The following CCDC91 variants were observed in gnomAD, a reference collection of about 807,000 sequenced individuals.
The protein encoded by CCDC91 is coiled-coil domain-containing protein 91.
Under a neutral mutation model 63.2 loss-of-function variants are expected in CCDC91, and 48 were observed. The ratio of observed to expected loss-of-function variants is 0.76; its 90% confidence interval spans 0.60 to 0.97. The LOEUF is 0.97. Ranked by LOEUF, CCDC91 falls within the 50% of genes least tolerant of loss-of-function variation. The pLI is 0.00. For synonymous variants in CCDC91, 167 were observed against 165.8 expected (o/e 1.01, Z -0.06); for missense variants, 500 against 494.6 (o/e 1.01, Z -0.10).
chr12:28,515,678 T>C lies in CCDC91; in HGVS notation c.1215+31513T>C, dbSNP rs1939864122. Among the ~76,000 whole-genome samples, 4 of 151,962 alleles carry C rather than the reference T, an allele frequency of 2.6e-5. 1 individual carries two copies. The highest frequency in any genetic ancestry group is 2.1e-4 in the South Asian group (1 of 4,832). ...AATGCTGATTATCAATAATAACCCA[T>C]TAATATGTTTTAACTATCAACAAAA... On this transcript the variant is annotated intron_variant, in intron 12 of 12. Coordinates refer to ENST00000536442, the MANE Select transcript of CCDC91 (RefSeq NM_018318.5).
At chr12:28,364,319 C>T (rs1337890736) in intron 7 of CCDC91, among the ~76,000 whole-genome samples, 3 of 151,932 alleles carry the variant, frequency 2.0e-5, no homozygotes, top group Admixed American at 6.5e-5. Context: ...ATCTGGGAGG[C>T]GGAGGTTGCA....
At chr12:28,478,398 T>C (rs1004243209) in intron 11 of CCDC91, among the ~76,000 whole-genome samples, 1 of 152,204 alleles carries the variant, frequency 6.6e-6, no homozygotes, top group Non-Finnish European at 1.5e-5. Context: ...CTGGGAAAAC[T>C]GGCTAGCCAT....
In CCDC91 at chr12:28,242,920, T is replaced by TA. The variant is rs142229036; in HGVS notation, c.-14-14280dup. On this transcript the variant is annotated intron_variant, in intron 1 of 12. Coordinates refer to ENST00000536442, the MANE Select transcript of CCDC91 (RefSeq NM_018318.5). ...CCCTCTTGCTCCTACTTCTGACATG[T>TA]AAGAGGTGTCTGCTTCCCCTCTGCC... Among the ~76,000 whole-genome samples the TA allele has an allele frequency of 2.7e-3, 406 of 152,220 alleles. 1 individual carries two copies. Among genetic ancestry groups the TA allele is most frequent in the Non-Finnish European group, 4.7e-3 (319 of 68,012 alleles).
At chr12:28,226,901 T>C (rs1412294930) in intron 1 of CCDC91, among the ~76,000 whole-genome samples, 1 of 152,142 alleles carries the variant, frequency 6.6e-6, no homozygotes, top group Non-Finnish European at 1.5e-5. Flanking sequence ...TGGTGGTTTC[T>C]TAAACTTTAC....
At chr12:28,212,980 T>C (rs539717466) in intron 1 of CCDC91, among the ~76,000 whole-genome samples, 40 of 152,312 alleles carry the variant, frequency 2.6e-4, no homozygotes, top group Admixed American at 1.5e-3. Flanking sequence ...AAATAAGTTA[T>C]AGTGAGTTTA....
At chr12:28,474,312 C>T (rs75066693) in intron 11 of CCDC91, among the ~76,000 whole-genome samples, 3,269 of 152,058 alleles carry the variant, frequency 0.021, 61 homozygotes, top group Non-Finnish European at 0.035. Flanking sequence ...ACTCAAATGC[C>T]GCCAAATTAT....
At chr12:28,460,180 A>G (rs1402518147) in intron 11 of CCDC91, among the ~76,000 whole-genome samples, 1 of 152,106 alleles carries the variant, frequency 6.6e-6, no homozygotes, top group Non-Finnish European at 1.5e-5. Flanking sequence ...TTGGGACCAT[A>G]TATGTAGAGC....
chr12:28,424,928 A>G (rs1443382365), intron 8 of CCDC91, among the ~76,000 whole-genome samples: 2 of 152,122 alleles, frequency 1.3e-5, no homozygotes, highest in Admixed American at 6.6e-5. Context: ...TACAGAGCTT[A>G]ACATTATATA....
At chr12:28,373,300 T>C (rs1379950551) in intron 7 of CCDC91, among the ~76,000 whole-genome samples, 1 of 152,204 alleles carries the variant, frequency 6.6e-6, no homozygotes, top group Non-Finnish European at 1.5e-5. Context: ...GTGATGTTTC[T>C]AGGTGTGTGT....
intron 8 of CCDC91, among the ~76,000 whole-genome samples, chr12:28,400,534 C>T (rs1231604780): frequency 2.0e-5 from 3 of 152,262 alleles, no homozygotes; most frequent in South Asian, 4.1e-4. Context: ...TTGAATTTCT[C>T]CTTAGAAAAT....
intron 8 of CCDC91, among the ~76,000 whole-genome samples, chr12:28,400,088 A>G (rs1221186221): frequency 6.6e-6 from 1 of 152,194 alleles, no homozygotes; most frequent in Admixed American, 6.5e-5. Context: ...GAGGTTCTCC[A>G]TCATGGGTCC....
At chr12:28,267,516 G>A (rs1000423913) in intron 3 of CCDC91, among the ~76,000 whole-genome samples, 1 of 149,116 alleles carries the variant, frequency 6.7e-6, no homozygotes, top group Non-Finnish European at 1.5e-5. Context: ...TTGTTTCTGT[G>A]ACTTGAAAGA....
chr12:28,315,631 T>G (rs553470986), intron 6 of CCDC91, among the ~76,000 whole-genome samples: 1 of 152,156 alleles, frequency 6.6e-6, no homozygotes, highest in African/African-American at 2.4e-5. Flanking sequence ...CATTATACTT[T>G]CCAGGAAAGT....
intron 10 of CCDC91, 37 bp downstream of exon 10, chr12:28,450,455 A>C: frequency 7.1e-7 from 1 of 1,409,048 alleles, no homozygotes; most frequent in Non-Finnish European, 1.0e-6. Flanking sequence ...CTTGTAAGTA[A>C]GTGGAATTAA....
intron 1 of CCDC91, among the ~76,000 whole-genome samples, chr12:28,232,379 T>A (rs1449378531): frequency 2.6e-5 from 4 of 152,112 alleles, no homozygotes; most frequent in Admixed American, 2.6e-4. Context: ...AGGGTTTCAG[T>A]TTGAATATTG....
At chr12:28,321,405 T>TA (rs149406927) in intron 6 of CCDC91, among the ~76,000 whole-genome samples, 15 of 151,762 alleles carry the variant, frequency 9.9e-5, no homozygotes, top group African/African-American at 1.7e-4. Context: ...GCCTTGCACA[T>TA]AAAAAAAATG....
chr12:28,326,391 G>T (rs562595225), intron 6 of CCDC91, among the ~76,000 whole-genome samples: 4 of 149,440 alleles, frequency 2.7e-5, no homozygotes, highest in Non-Finnish European at 5.9e-5. Context: ...TGTTAGAATT[G>T]TTTTTTTTTA....
chr12:28,494,220 G>A (rs567658594), intron 12 of CCDC91, among the ~76,000 whole-genome samples: 27 of 151,652 alleles, frequency 1.8e-4, no homozygotes, highest in Non-Finnish European at 2.8e-4. Flanking sequence ...GAATCTATTG[G>A]TCGTTAATTA....
intron 12 of CCDC91, among the ~76,000 whole-genome samples, chr12:28,511,389 G>A (rs1039693734): frequency 1.3e-5 from 2 of 151,756 alleles, no homozygotes; most frequent in Non-Finnish European, 2.9e-5. Context: ...GCCAATTTAG[G>A]CCAAAATAAC....
Sources: allele counts gnomAD v4.1 joint callset (sites outside exome capture counted in the v4.1 genomes callset), GRCh38; gene constraint gnomAD v4.1.1; transcripts MANE v1.5; gene names NCBI Gene and HGNC (gene_info 2026-07-23, HGNC 2026-07-21).